The following CSMD1 variants were observed in gnomAD, a reference collection of about 807,000 sequenced individuals.
The protein encoded by CSMD1 is CUB and Sushi multiple domains 1.
Under a neutral mutation model 417.5 loss-of-function variants are expected in CSMD1, and 213 were observed. The ratio of observed to expected loss-of-function variants is 0.51; its 90% CI spans 0.46 to 0.57. The LOEUF (loss-of-function observed/expected upper bound fraction) is 0.57. Ranked by LOEUF, CSMD1 falls within the 20% of genes least tolerant of loss-of-function variation. The pLI is 0.00. For missense variants in CSMD1, 6,923 were observed against 4,529.7 expected, an observed-to-expected ratio of 1.53 and a Z score of -15.17; for synonymous variants, 2,862 against 1,736.8, an observed-to-expected ratio of 1.65 and a Z score of -16.11.
At chr8:3,925,613 C>A (rs6984485) in intron 5 of CSMD1, among the ~76,000 whole-genome samples, 2 of 151,904 alleles carry the variant, frequency 1.3e-5, no homozygotes, top group African/African-American at 2.4e-5. Context: ...ATTCTCGCAA[C>A]AGTGAATAAG....
intron 3 of CSMD1, among the ~76,000 whole-genome samples, chr8:4,051,916 CTTTCTTTTT>C (rs1798452868): frequency 2.0e-5 from 3 of 146,630 alleles, no homozygotes; most frequent in Non-Finnish European, 4.5e-5. Context: ...TCCTTCCTTT[CTTTCTTTTT>C]CTTTCTTTCT....
At chr8:3,914,370 T>C (rs1401653856) in intron 5 of CSMD1, among the ~76,000 whole-genome samples, 2 of 151,758 alleles carry the variant, frequency 1.3e-5, no homozygotes, top group African/African-American at 2.4e-5. Flanking sequence ...GTTGGATAGA[T>C]GTAAAAACAT....
chr8:3,714,117 A>C (rs1165854165), intron 6 of CSMD1, among the ~76,000 whole-genome samples: 1 of 150,336 alleles, frequency 6.7e-6, no homozygotes, highest in African/African-American at 2.4e-5. Context: ...TATAAAATAT[A>C]AGTATATAAC....
At chr8:3,413,492 CAAGTAA>C (rs879762298) in intron 12 of CSMD1, among the ~76,000 whole-genome samples, 13 of 152,126 alleles carry the variant, frequency 8.5e-5, no homozygotes, top group African/African-American at 2.9e-4. Context: ...TAGGGGTTGA[CAAGTAA>C]CTGTCAAAGT....
intron 5 of CSMD1, among the ~76,000 whole-genome samples, chr8:3,786,410 T>G (rs184113651): frequency 2.6e-5 from 4 of 152,078 alleles, no homozygotes; most frequent in African/African-American, 7.2e-5. Flanking sequence ...GAACAAGAGT[T>G]TGGGGGACCA....
chr8:4,049,005 G>A (rs1337439505), intron 3 of CSMD1, among the ~76,000 whole-genome samples: 2 of 152,266 alleles, frequency 1.3e-5, no homozygotes, highest in African/African-American at 4.8e-5. Flanking sequence ...AAGAGGTGAT[G>A]TTAATGATCA....
chr8:3,892,918 T>A (rs1807082887), intron 5 of CSMD1, among the ~76,000 whole-genome samples: 1 of 151,570 alleles, frequency 6.6e-6, no homozygotes, highest in Non-Finnish European at 1.5e-5. Context: ...GCAAGAGGCC[T>A]CTCTGTGAAA....
At chr8:3,312,089 C>T (rs1304503226) in intron 23 of CSMD1, among the ~76,000 whole-genome samples, 2 of 152,006 alleles carry the variant, frequency 1.3e-5, no homozygotes, top group African/African-American at 4.8e-5. Context: ...TGTTTCTTTC[C>T]ACTCTTCTCC....
At chr8:3,519,458 G>C (rs140749973) in intron 10 of CSMD1, among the ~76,000 whole-genome samples, 2 of 152,160 alleles carry the variant, frequency 1.3e-5, no homozygotes, top group Non-Finnish European at 2.9e-5. Context: ...TCATCTGAGA[G>C]GAAACACAGG....
chr8:3,841,115 G>A (rs1282382390), intron 5 of CSMD1, among the ~76,000 whole-genome samples: 1 of 152,080 alleles, frequency 6.6e-6, no homozygotes, highest in Non-Finnish European at 1.5e-5. Flanking sequence ...TTTCCAGGAA[G>A]CCTGGCACTA....
chr8:3,603,584 C>T (rs149105216), intron 8 of CSMD1, among the ~76,000 whole-genome samples: 28 of 152,234 alleles, frequency 1.8e-4, no homozygotes, highest in African/African-American at 6.3e-4. Flanking sequence ...AAATAAAAGA[C>T]AGTTCTTTGT....
At chr8:4,140,803 G>A (rs189196356) in intron 3 of CSMD1, among the ~76,000 whole-genome samples, 69 of 150,932 alleles carry the variant, frequency 4.6e-4, no homozygotes, top group Middle Eastern at 3.4e-3. Context: ...GATTTTCTAA[G>A]CGTGTAAATG....
At chr8:4,510,137 A>G (rs1023822568) in intron 2 of CSMD1, among the ~76,000 whole-genome samples, 1 of 151,908 alleles carries the variant, frequency 6.6e-6, no homozygotes, top group African/African-American at 2.4e-5. Context: ...TCTCCTTCAC[A>G]CGCTCCCTTT....
chr8:4,240,242 T>G (rs556361458), intron 3 of CSMD1, among the ~76,000 whole-genome samples: 128 of 152,358 alleles, frequency 8.4e-4, no homozygotes, highest in African/African-American at 3.0e-3. Context: ...GCTAACCTGT[T>G]TCATGAGGGG....
Position 4,785,873 on chromosome 8 carries a change from C to T in CSMD1, c.86-148315G>A, listed in dbSNP as rs191086703. On this transcript the variant is annotated intron_variant, in intron 1 of 69. Transcript: ENST00000635120. ...TGTTCTTCATGATCCTAAGACACAACGGGGCCTGGATTTTAACCCAAACAG... is the reference window on the plus strand; with the variant it reads ...TGTTCTTCATGATCCTAAGACACAATGGGGCCTGGATTTTAACCCAAACAG... Among the ~76,000 whole-genome samples the T allele has an allele frequency of 4.6e-5, 7 of 152,166 alleles. No individual in the cohort carries two copies. In the South Asian group the frequency reaches 8.3e-4, roughly 18 times the overall value.
intron 3 of CSMD1, among the ~76,000 whole-genome samples, chr8:4,162,049 T>C (rs1797204801): frequency 1.3e-5 from 2 of 152,232 alleles, no homozygotes; most frequent in Admixed American, 6.5e-5. Context: ...GCAATTTCCC[T>C]TAATGTCAAC....
At chr8:3,273,557 G>T (rs1164348624) in intron 26 of CSMD1, among the ~76,000 whole-genome samples, 1 of 152,142 alleles carries the variant, frequency 6.6e-6, no homozygotes, top group Admixed American at 6.5e-5. Context: ...GAGTCCATCT[G>T]GTCCTGCACT....
intron 1 of CSMD1, among the ~76,000 whole-genome samples, chr8:4,989,379 T>C (rs550546824): frequency 6.2e-4 from 94 of 152,350 alleles, no homozygotes; most frequent in Middle Eastern, 3.4e-3. Flanking sequence ...TCCAAGTTCC[T>C]ACTTTCCTAT....
chr8:3,847,442 T>G (rs1803583284), intron 5 of CSMD1, among the ~76,000 whole-genome samples: 1 of 152,022 alleles, frequency 6.6e-6, no homozygotes, highest in Admixed American at 6.6e-5. Context: ...GTGGGCAGTT[T>G]TGGGGTCCTG....
Sources: allele counts gnomAD v4.1 joint callset (sites outside exome capture counted in the v4.1 genomes callset), GRCh38; gene constraint gnomAD v4.1.1; transcripts MANE v1.5; gene names NCBI Gene and HGNC (gene_info 2026-07-23, HGNC 2026-07-21).